Variants in ASAP2 observed in about 807,000 individuals in gnomAD.
ASAP2 encodes the protein ArfGAP with SH3 domain, ankyrin repeat and PH domain 2.
Under a neutral mutation model 131.4 loss-of-function variants are expected in ASAP2, and 45 were observed. The ratio of observed to expected loss-of-function variants is 0.34; its 90% CI spans 0.27 to 0.44. The LOEUF is 0.44. ASAP2 is among the 20% of genes least tolerant of loss of function. The probability of loss-of-function intolerance (pLI) is 1.00; values close to 1 mark genes in which losing one functional copy is unlikely to be tolerated. For synonymous variants in ASAP2, 510 were observed against 503.0 expected, an observed-to-expected ratio of 1.01 and a Z score of -0.19; for missense variants, 1,011 against 1,297.0, an observed-to-expected ratio of 0.78 and a Z score of 3.39.
At chr2:9,391,330 T>G (rs572337505) in intron 23 of ASAP2, 134 bp downstream of exon 23, 1 of 1,293,886 alleles carries the variant, frequency 7.7e-7, no homozygotes, top group African/African-American at 1.5e-5. Flanking sequence ...TCCCTGTGGC[T>G]CTTGTGCAGG....
intron 1 of ASAP2, among the ~76,000 whole-genome samples, chr2:9,248,454 A>G (rs1215486455): frequency 6.6e-6 from 1 of 151,680 alleles, no homozygotes; most frequent in Non-Finnish European, 1.5e-5. Context: ...CGTAGAGAGG[A>G]TAGAACACGG....
intron 1 of ASAP2, among the ~76,000 whole-genome samples, chr2:9,208,066 C>T (rs1478370986): frequency 6.6e-6 from 1 of 152,164 alleles, no homozygotes; most frequent in Non-Finnish European, 1.5e-5. Flanking sequence ...GTCTGTGAGT[C>T]CAGGGGCCAC....
In ASAP2 at chr2:9,217,776, G is replaced by A. The variant is rs997273597; in HGVS notation, c.126+10546G>A. ...ACTACAGGCGCCTGCCACCACGCCCGGCTAATTTTTGGTATTTTTAGTAGA... is the reference window on the plus strand; with the variant it reads ...ACTACAGGCGCCTGCCACCACGCCCAGCTAATTTTTGGTATTTTTAGTAGA... On this transcript the variant is annotated intron_variant, in intron 1 of 27. Transcript: ENST00000281419. This position sits in a 1 kb window ranked among gnomAD's most constrained non-coding sequence, Gnocchi z 4.0. 4.0e-5 allele frequency among the ~76,000 whole-genome samples: 6 copies of A among 151,858 alleles called. No individual in the cohort carries two copies. Among genetic ancestry groups the A allele is most frequent in the South Asian group, 2.1e-4 (1 of 4,780 alleles).
intron 6 of ASAP2, among the ~76,000 whole-genome samples, chr2:9,326,042 C>G (rs1002860661): frequency 2.0e-5 from 3 of 152,170 alleles, no homozygotes; most frequent in Non-Finnish European, 4.4e-5. Context: ...AAAAACAGTT[C>G]CTTGAGAATC....
intron 1 of ASAP2, among the ~76,000 whole-genome samples, chr2:9,225,005 A>G (rs1662664487): frequency 6.6e-6 from 1 of 152,210 alleles, no homozygotes; most frequent in South Asian, 2.1e-4. Context: ...AAGTTGGAAC[A>G]TTGCAGATGG....
At chr2:9,277,380 C>T (rs1000623577) in intron 1 of ASAP2, among the ~76,000 whole-genome samples, 6 of 152,186 alleles carry the variant, frequency 3.9e-5, no homozygotes, top group Admixed American at 6.5e-5. Flanking sequence ...TATGATTGTC[C>T]TGAGTTATTT....
rs1319917858 is a variant in ASAP2 at position 9,217,610 on chromosome 2, T to C, written c.126+10380T>C. On this transcript the variant is annotated intron_variant, in intron 1 of 27. Coordinates refer to ENST00000281419, the MANE Select transcript of ASAP2 (RefSeq NM_003887.3). The surrounding 1 kb of genome is among the most constrained non-coding windows in gnomAD (Gnocchi z 4.0). ...ATCATGTTCTTCTTAGAGGTATGTTTTTGTTTTTTGTTTTTTTTTTTGAGA... is the reference window on the plus strand; with the variant it reads ...ATCATGTTCTTCTTAGAGGTATGTTCTTGTTTTTTGTTTTTTTTTTTGAGA... Among the ~76,000 whole-genome samples the C allele has an allele frequency of 8.0e-6, 1 of 124,922 alleles. No individual in the cohort carries two copies. Among genetic ancestry groups the C allele is most frequent in the African/African-American group, 3.2e-5 (1 of 31,012 alleles). The allele number at this position is 124,922 out of a possible 152,430, so 82.0% of individuals were successfully genotyped here.
chr2:9,298,437 A>G (rs895127149), intron 3 of ASAP2, among the ~76,000 whole-genome samples: 1 of 152,196 alleles, frequency 6.6e-6, no homozygotes, highest in Non-Finnish European at 1.5e-5. Flanking sequence ...ACTTATGAAC[A>G]TTTCTGTAGG....
rs1473013426 is a variant in ASAP2 at position 9,393,610 on chromosome 2, C to T, written c.2647C>T (p.Pro883Ser). The T allele has an allele frequency of 2.5e-6, 4 of 1,588,142 alleles. No individual in the cohort carries two copies. Among genetic ancestry groups the T allele is most frequent in the Non-Finnish European group, 3.4e-6 (4 of 1,169,732 alleles). ...CAGGCCCCCACCTCTGCCCCCACAG[C>T]CGCCCAGCCGCCTCCCGCAGAAGAA... ...QIRPPPLPPQ[P>S]PSRLPQKKPA... The change falls in exon 24 of 28, where the codon CCG (proline) becomes TCG (serine). Residue 883 changes from proline (P) to serine (S), a missense_variant. By Grantham distance (74) the Pro-to-Ser change is moderately conservative. Coordinates refer to ENST00000281419, the MANE Select transcript of ASAP2 (RefSeq NM_003887.3).
At chr2:9,308,361 G>A (rs1384966867) in intron 3 of ASAP2, among the ~76,000 whole-genome samples, 9 of 152,190 alleles carry the variant, frequency 5.9e-5, no homozygotes, top group Non-Finnish European at 1.2e-4. Flanking sequence ...GTACCAAGGG[G>A]CATGATGCCA....
In ASAP2 at chr2:9,389,234, G is replaced by A. The variant is rs1675530832; in HGVS notation, c.2383+688G>A. On this transcript the variant is annotated intron_variant, in intron 22 of 27. Coordinates refer to ENST00000281419, the MANE Select transcript of ASAP2 (RefSeq NM_003887.3). The surrounding 1 kb of genome is among the most constrained non-coding windows in gnomAD (Gnocchi z 4.7). ...TGCTTCTTGAAGGCAGGTCCGGCGA[G>A]TGACCCACTCAGCTCTGGGCTGAGC... Among the ~76,000 whole-genome samples the A allele has an allele frequency of 6.6e-6, 1 of 152,356 alleles. No individual in the cohort carries two copies.
At chr2:9,354,635 G>A (rs1572530797) in intron 12 of ASAP2, among the ~76,000 whole-genome samples, 2 of 145,310 alleles carry the variant, frequency 1.4e-5, no homozygotes, top group South Asian at 2.2e-4. Context: ...AGCAGAGTGA[G>A]ACTCCGTCTC....
chr2:9,367,027 A>ATTTTTTTTTTTTTTTTTT (rs1171661319), intron 15 of ASAP2, among the ~76,000 whole-genome samples: 21 of 132,930 alleles, frequency 1.6e-4, no homozygotes, highest in African/African-American at 6.5e-4. Flanking sequence ...TGCCTGCATA[A>ATTTTTTTTTTTTTTTTTT]TTTTTTTTTT....
chr2:9,353,352 G>A (rs1285939546), intron 12 of ASAP2, among the ~76,000 whole-genome samples: 2 of 152,028 alleles, frequency 1.3e-5, no homozygotes, highest in African/African-American at 4.8e-5. Flanking sequence ...ATTGCTTGAG[G>A]TCAGGAGTTC....
chr2:9,328,805 TGGCATAGTTC>T (rs1670642489), intron 7 of ASAP2, among the ~76,000 whole-genome samples: 5 of 152,226 alleles, frequency 3.3e-5, no homozygotes, highest in Non-Finnish European at 7.3e-5. Context: ...TGTACAGTGC[TGGCATAGTTC>T]CTACTCAAAG....
intron 1 of ASAP2, among the ~76,000 whole-genome samples, chr2:9,209,547 A>G (rs1445262907): frequency 6.6e-6 from 1 of 152,226 alleles, no homozygotes; most frequent in Non-Finnish European, 1.5e-5. Flanking sequence ...CAAATGAATC[A>G]CGGAACTAGC....
At chr2:9,270,167 G>A (rs961749509) in intron 1 of ASAP2, among the ~76,000 whole-genome samples, 1 of 152,198 alleles carries the variant, frequency 6.6e-6, no homozygotes, top group Non-Finnish European at 1.5e-5. Context: ...ATGAGGTCTG[G>A]CCAGGCGGCA....
chr2:9,351,031 T>A, intron 12 of ASAP2, 136 bp downstream of exon 12: 1 of 625,186 alleles, frequency 1.6e-6, no homozygotes, highest in Non-Finnish European at 2.6e-6. Context: ...GTGATATGCG[T>A]GCTTTGTGTT....
At position 9,268,207 on chromosome 2, in the gene ASAP2, C is replaced by T. The variant is rs79127269; in HGVS notation, c.127-11110C>T. Among the ~76,000 whole-genome samples the T allele has an allele frequency of 7.2e-3, 1,101 of 152,240 alleles. 17 individuals carry two copies. The highest frequency in any genetic ancestry group is 0.026 in the African/African-American group (1,068 of 41,524). On this transcript the variant is annotated intron_variant, in intron 1 of 27. Coordinates refer to ENST00000281419, the MANE Select transcript of ASAP2 (RefSeq NM_003887.3). The surrounding 1 kb of genome is among the most constrained non-coding windows in gnomAD (Gnocchi z 4.1). ...CGTTGCTGTGTAGCATTCTGTTGTA[C>T]GAATGTCCATCATCAGTTTATTCAT... is the stretch of plus-strand genomic sequence containing the variant.
Sources: allele counts gnomAD v4.1 joint callset (sites outside exome capture counted in the v4.1 genomes callset), GRCh38; gene constraint gnomAD v4.1.1; non-coding constraint Gnocchi (gnomAD v3.1); transcripts MANE v1.5; gene names NCBI Gene and HGNC (gene_info 2026-07-23, HGNC 2026-07-21).